SLC12A4: variants seen among roughly 807,000 people sequenced by gnomAD.
The protein encoded by SLC12A4 is solute carrier family 12 member 4, also known as electroneutral potassium-chloride cotransporter 1.
A neutral mutation model predicts 119.2 loss-of-function variants in SLC12A4; 84 were observed. The observed-to-expected ratio is 0.70, with a 90% CI of 0.59 to 0.85. The LOEUF (loss-of-function observed/expected upper bound fraction) is 0.85, where lower values mean the gene tolerates loss of function less well. Ranked by LOEUF, SLC12A4 falls within the 40% of genes least tolerant of loss-of-function variation. The probability of loss-of-function intolerance (pLI) is 0.00; values close to 1 mark genes in which losing one functional copy is unlikely to be tolerated. For synonymous variants in SLC12A4, 599 were observed against 604.6 expected (o/e 0.99, Z 0.14); for missense variants, 1,298 against 1,476.3 (o/e 0.88, Z 1.98).
At chr16:67,960,381 C>G (rs559995924) in intron 3 of SLC12A4, among the ~76,000 whole-genome samples, 2 of 152,130 alleles carry the variant, frequency 1.3e-5, no homozygotes, top group African/African-American at 4.8e-5. Context: ...CCTGGCTGCA[C>G]AGGGTCAGGG....
rs927491370 is a variant in SLC12A4, at chr16:67,944,397, G to C, written c.*443C>G. 3.0e-6 allele frequency: 4 copies of C among 1,317,284 alleles called. No individual in the cohort carries two copies. In the African/African-American group the frequency reaches 5.9e-5, roughly 19 times the overall value. 81.6% of individuals were successfully genotyped at this position (1,317,284 alleles called of 1,614,324 possible). ...CAGCTGTCTCCATTCGGCTCAGCTT[G>C]GTGGGGGGCCCTGCCCATAGTAGAC... is the stretch of plus-strand genomic sequence containing the variant. On this transcript the variant is annotated 3_prime_UTR_variant, in exon 24 of 24. Coordinates refer to ENST00000316341, the MANE Select transcript of SLC12A4 (RefSeq NM_005072.5). The surrounding 1 kb of genome is among the most constrained non-coding windows in gnomAD (Gnocchi z 6.6).
chr16:67,967,962 G>A (rs1406316008), intron 1 of SLC12A4, among the ~76,000 whole-genome samples: 1 of 152,204 alleles, frequency 6.6e-6, no homozygotes, highest in Non-Finnish European at 1.5e-5. Context: ...ACTCTGGCCA[G>A]AGTGCAGGTA....
Position 67,954,682 on chromosome 16 carries a change from T to C in SLC12A4, c.636A>G (p.Ala212=). 1 of 1,614,224 alleles carries C rather than the reference T, an allele frequency of 6.2e-7. No homozygotes were observed. Among genetic ancestry groups the C allele is most frequent in the Non-Finnish European group, 8.5e-7 (1 of 1,180,044 alleles). ...GLCFYLGTTF[A]AAMYILGAIE... ...TGGCCCCCAGGATGTACATGGCTGCTGCGAATGTTGTTCCCAGGTAGAAGC... is the reference window on the plus strand; with the variant it reads ...TGGCCCCCAGGATGTACATGGCTGCCGCGAATGTTGTTCCCAGGTAGAAGC... Residue 212 remains alanine, a synonymous_variant, in exon 6 of 24, where the codon GCA becomes GCG. Coordinates refer to ENST00000316341, the MANE Select transcript of SLC12A4 (RefSeq NM_005072.5).
rs1281785269 is a variant in SLC12A4, at chr16:67,947,741, A to T, written c.1895T>A (p.Val632Asp). The change falls in exon 15 of 24, where the codon GTC becomes GAC. Residue 632 changes from valine (V) to aspartate (D), a missense_variant. By Grantham distance (152) the Val-to-Asp change is radical. Coordinates refer to ENST00000316341, the MANE Select transcript of SLC12A4 (RefSeq NM_005072.5). ...GMSLCLALMF[V>D]SSWYYALVAM... ...CACCAGGGCATAGTACCAGGAGGAGACAAACATAAGGGCCAGGCAGAGACT... is the reference window on the plus strand; with the variant it reads ...CACCAGGGCATAGTACCAGGAGGAGTCAAACATAAGGGCCAGGCAGAGACT... 1 of 1,600,980 alleles carries T rather than the reference A, an allele frequency of 6.2e-7. No individual in the cohort carries two copies.
rs781208598 is a variant in SLC12A4, at chr16:67,945,161, G to C, written c.3092C>G (p.Thr1031Arg). Residue 1031 changes from threonine (T) to arginine (R), a missense_variant, in exon 23 of 24, where the codon ACG (threonine) becomes AGG (arginine). Coordinates refer to ENST00000316341, the MANE Select transcript of SLC12A4 (RefSeq NM_005072.5). ...AACCAGGCGGGCGTCGTGGGAGCGC[G>C]TGACAATGACTTCATTGAGCTTCAC... is the stretch of plus-strand genomic sequence containing the variant. The part of the protein sequence containing the change: ...TAVKLNEVIV[T>R]RSHDARLVLL... The C allele has an allele frequency of 2.5e-6, 4 of 1,597,250 alleles. No homozygotes were observed. Among genetic ancestry groups the C allele is most frequent in the Non-Finnish European group, 3.4e-6 (4 of 1,170,646 alleles).
rs1036297235 is a variant in SLC12A4 at position 67,943,484 on chromosome 16, C to T, written c.*1356G>A. The T allele has an allele frequency of 2.0e-5, 11 of 538,928 alleles. No individual in the cohort carries two copies. The highest frequency in any genetic ancestry group is 1.0e-4 in the South Asian group (5 of 50,190). 33.4% of individuals were successfully genotyped at this position (538,928 alleles called of 1,614,324 possible). A position where few individuals can be genotyped will look rare whatever the true frequency, so the allele number is the denominator to read the frequency against. ...TCTGCAGAGCAAACACCCAGTCTGG[C>T]GCTCCTTTATTGCCAAAGTCCAAGG... On this transcript the variant is annotated 3_prime_UTR_variant, in exon 24 of 24. Transcript: ENST00000316341. The surrounding 1 kb of genome is among the most constrained non-coding windows in gnomAD (Gnocchi z 4.6).
chr16:67,960,022 G>A (rs2030480205), intron 3 of SLC12A4, among the ~76,000 whole-genome samples: 1 of 152,214 alleles, frequency 6.6e-6, no homozygotes, highest in African/African-American at 2.4e-5. Context: ...AAAAACTACT[G>A]CAGCTAAGAC....
Position 67,945,774 on chromosome 16 carries a change from C to G in SLC12A4, c.2837G>C (p.Arg946Pro). 1 of 1,613,392 alleles carries G rather than the reference C, an allele frequency of 6.2e-7. No homozygotes were observed. The highest frequency in any genetic ancestry group is 8.5e-7 in the Non-Finnish European group (1 of 1,179,914). ...LRQMRLTKTE[R>P]EREAQLVKDR... Reference sequence around the variant, plus strand: ...ACAAAGGGCACTGACTTCTCGCTCCCGCTCAGTCTTGGTCAGTCTCATCTG... The same window carrying G: ...ACAAAGGGCACTGACTTCTCGCTCCGGCTCAGTCTTGGTCAGTCTCATCTG... The change falls in exon 21 of 24, where the codon CGG (arginine) becomes CCG (proline). Residue 946 changes from arginine (R) to proline (P), a missense_variant. Physicochemically the swap from Arg to Pro is moderately radical, Grantham distance 103. Transcript: ENST00000316341.
At chr16:67,956,683 CA>C (rs544376205) in intron 5 of SLC12A4, among the ~76,000 whole-genome samples, 5 of 150,558 alleles carry the variant, frequency 3.3e-5, no homozygotes, top group Non-Finnish European at 7.4e-5. Context: ...GACTCTGTCT[CA>C]AAAAAAACCC....
In SLC12A4 at chr16:67,947,088, A is replaced by C. The variant is rs767746397; in HGVS notation, c.2090T>G (p.Leu697Arg). 1.5e-5 allele frequency: 24 copies of C among 1,600,496 alleles called. No individual in the cohort carries two copies. Among genetic ancestry groups the C allele is most frequent in the African/African-American group, 2.7e-5 (2 of 74,428 alleles). The change falls in exon 17 of 24, where the codon CTG becomes CGG. Residue 697 changes from leucine (L) to arginine (R), a missense_variant. Physicochemically the swap from Leu to Arg is moderately radical, Grantham distance 102 (BLOSUM62 -2). Coordinates refer to ENST00000316341, the MANE Select transcript of SLC12A4 (RefSeq NM_005072.5). Reference protein sequence around the residue: ...TKNWRPQLLVLLKLDEDLHVK... With the variant: ...TKNWRPQLLVRLKLDEDLHVK... ...GTGGAGGTCCTCGTCCAGCTTCAGC[A>C]GCACCAGCAGCTGCGGCCTGCAGTG...
Position 67,944,879 on chromosome 16 carries a change from C to T in SLC12A4, c.3219G>A (p.Val1073=), listed in dbSNP as rs764513108. 20 of 1,613,340 alleles carry T rather than the reference C, an allele frequency of 1.2e-5. No individual in the cohort carries two copies. Among genetic ancestry groups the T allele is most frequent in the Admixed American group, 1.7e-5 (1 of 59,986 alleles). ...LTEGLERVLL[V]RGGGREVITI... ...TGATGACTTCACGGCCACCACCGCGCACCAACAGCACCCGCTCAAGGCCCT... is the reference window on the plus strand; with the variant it reads ...TGATGACTTCACGGCCACCACCGCGTACCAACAGCACCCGCTCAAGGCCCT... Residue 1073 remains valine (V), a synonymous_variant, in exon 24 of 24, where the codon GTG becomes GTA. Coordinates refer to ENST00000316341, the MANE Select transcript of SLC12A4 (RefSeq NM_005072.5). This position sits in a 1 kb window ranked among gnomAD's most constrained non-coding sequence, Gnocchi z 6.6.
rs780703210 is a variant in SLC12A4 at position 67,950,366 on chromosome 16, G to A, written c.1582C>T (p.Arg528Cys). ...TCCTTGGCAATGGCCTGCAATAGGC[G>A]TGGTGCCCCTGTGAGGCTCTGGAGG... is the stretch of plus-strand genomic sequence containing the variant. ...AGLQSLTGAPRLLQAIAKDNI... is the reference protein window; with the variant it reads ...AGLQSLTGAPCLLQAIAKDNI... Residue 528 changes from arginine (R) to cysteine (C), a missense_variant, in exon 12 of 24, where the codon CGC becomes TGC. Arg to Cys is a radical substitution (Grantham distance 180). Coordinates refer to ENST00000316341, the MANE Select transcript of SLC12A4 (RefSeq NM_005072.5). This position sits in a 1 kb window ranked among gnomAD's most constrained non-coding sequence, Gnocchi z 4.3. The A allele has an allele frequency of 3.1e-6, 5 of 1,614,046 alleles. No individual in the cohort carries two copies. The highest frequency in any genetic ancestry group is 1.7e-5 in the Admixed American group (1 of 60,020).
rs2058396797 is a variant in SLC12A4 at position 67,950,108 on chromosome 16, T to TA, written c.1630-191dup. On this transcript the variant is annotated intron_variant, in intron 12 of 23. Transcript: ENST00000316341. This position sits in a 1 kb window ranked among gnomAD's most constrained non-coding sequence, Gnocchi z 4.3. ...AGGCCTCTCTCCTTTGGATGAGCCCTAAACAGGCCATGAAGATTCTGGGTC... is the reference window on the plus strand; with the variant it reads ...AGGCCTCTCTCCTTTGGATGAGCCCTAAAACAGGCCATGAAGATTCTGGGTC... 5 of 686,152 alleles carry TA rather than the reference T, an allele frequency of 7.3e-6. No individual in the cohort carries two copies. The highest frequency in any genetic ancestry group is 4.9e-6 in the Non-Finnish European group (2 of 410,016). The allele number at this position is 686,152 out of a possible 1,614,324, so 42.5% of individuals were successfully genotyped here. A position where few individuals can be genotyped will look rare whatever the true frequency, so the allele number is the denominator to read the frequency against.
At position 67,954,766 on chromosome 16, in the gene SLC12A4, GC is replaced by G; in HGVS notation, c.551del (p.Gly184AlafsTer5). 1.2e-6 allele frequency: 2 copies of G among 1,614,136 alleles called. No individual in the cohort carries two copies. Among genetic ancestry groups the G allele is most frequent in the Non-Finnish European group, 1.7e-6 (2 of 1,180,002 alleles). Reference protein sequence around the residue: ...IATNGVVPAGGSYFMISRSLG... With the variant: ...IATNGVVPAGXSYFMISRSLG... ...GTGAACGAGAGATCATGAAATAGGA[GC>G]CCCCAGCTACAGCAGAGAAATGAAA... On this transcript the variant is annotated frameshift_variant, in exon 6 of 24. Transcript: ENST00000316341. LOFTEE classifies it high-confidence loss of function.
Position 67,944,203 on chromosome 16 carries a change from C to G in SLC12A4, c.*637G>C. ...GGGCCAGTGGGAGGGACGGCCTGGC[C>G]AGTGGGGGTTGTGGCCAGAGATTGC... On this transcript the variant is annotated 3_prime_UTR_variant, in exon 24 of 24. Coordinates refer to ENST00000316341, the MANE Select transcript of SLC12A4 (RefSeq NM_005072.5). The surrounding 1 kb of genome is among the most constrained non-coding windows in gnomAD (Gnocchi z 6.6). 6.8e-7 allele frequency: 1 copy of G among 1,476,892 alleles called. No homozygotes were observed. 91.5% of individuals were successfully genotyped at this position (1,476,892 alleles called of 1,614,324 possible).
rs770175226 is a variant in SLC12A4 at position 67,957,933 on chromosome 16, G to A, written c.454C>T (p.Gln152Ter). Residue 152 changes from glutamine to a stop codon, truncating the protein, a stop_gained, in exon 4 of 24, where the codon CAG becomes TAG. Coordinates refer to ENST00000316341, the MANE Select transcript of SLC12A4 (RefSeq NM_005072.5). LOFTEE classifies it high-confidence loss of function. ...TWMVGTAGVL[Q>*]ALLIVLICCC... ...CAGATAAGCACGATGAGGAGGGCCT[G>A]TAGCACACCTGCTGTGCCCACCATC... The A allele has an allele frequency of 1.9e-6, 3 of 1,614,110 alleles. No homozygotes were observed. The highest frequency in any genetic ancestry group is 2.5e-6 in the Non-Finnish European group (3 of 1,180,044).
intron 1 of SLC12A4, among the ~76,000 whole-genome samples, chr16:67,967,963 A>G (rs1488527837): frequency 6.6e-6 from 1 of 152,104 alleles, no homozygotes; most frequent in Admixed American, 6.5e-5. Context: ...CTCTGGCCAG[A>G]GTGCAGGTAG....
Position 67,947,028 on chromosome 16 carries a change from TGG to T in SLC12A4, c.2148_2149del (p.Gln717AlafsTer39), listed in dbSNP as rs762863925. ...GGTCAGGCCCTTGCCAGCCTTGAGC[TGG>T]GAGGCGAAGGTGAGGAGCCGCGGGT... is the stretch of plus-strand genomic sequence containing the variant. On this transcript the variant is annotated frameshift_variant, in exon 17 of 24. Coordinates refer to ENST00000316341, the MANE Select transcript of SLC12A4 (RefSeq NM_005072.5). LOFTEE classifies it high-confidence loss of function. The T allele has an allele frequency of 1.2e-6, 2 of 1,613,036 alleles. No homozygotes were observed. Among genetic ancestry groups the T allele is most frequent in the South Asian group, 2.2e-5 (2 of 91,082 alleles).
At position 67,945,171 on chromosome 16, in the gene SLC12A4, C is replaced by A; in HGVS notation, c.3082G>T (p.Val1028Phe). 5 of 1,590,122 alleles carry A rather than the reference C, an allele frequency of 3.1e-6. No homozygotes were observed. The highest frequency in any genetic ancestry group is 4.3e-6 in the Non-Finnish European group (5 of 1,167,090). ...RMHTAVKLNE[V>F]IVTRSHDARL... The stretch of plus-strand genomic sequence containing the variant: ...GCGTCGTGGGAGCGCGTGACAATGA[C>A]TTCATTGAGCTTCACAGCAGTGTGC... The change falls in exon 23 of 24, where the codon GTC becomes TTC. Residue 1028 changes from valine to phenylalanine, a missense_variant. Transcript: ENST00000316341.
Sources: gnomAD v4.1 joint callset for allele counts (sites outside exome capture counted in the v4.1 genomes callset) on GRCh38, gnomAD v4.1.1 for gene constraint, Gnocchi (gnomAD v3.1) non-coding constraint, MANE v1.5 for transcripts, NCBI Gene and HGNC (gene_info 2026-07-23, HGNC 2026-07-21) for gene names.